The following TMEM184B variants were observed in gnomAD, a reference collection of about 807,000 sequenced individuals.
TMEM184B encodes transmembrane protein 184B, also known as putative MAPK-activating protein FM08.
Under a neutral mutation model 41.8 loss-of-function variants are expected in TMEM184B, and 17 were observed. The observed-to-expected ratio is 0.41, with a 90% CI of 0.28 to 0.61. TMEM184B has a LOEUF of 0.61. Ranked by LOEUF, TMEM184B falls within the 20% of genes least tolerant of loss-of-function variation. TMEM184B has a pLI of 0.34. For missense variants in TMEM184B, 393 were observed against 557.8 expected (o/e 0.70, Z 2.98); for synonymous variants, 240 against 229.5 (o/e 1.05, Z -0.41).
intron 3 of TMEM184B, among the ~76,000 whole-genome samples, chr22:38,236,910 C>G (rs563729491): frequency 2.6e-5 from 4 of 152,282 alleles, no homozygotes; most frequent in South Asian, 4.1e-4. Flanking sequence ...CTTCCAAACC[C>G]GAGGCTCCAG....
At chr22:38,237,445 G>A (rs900589822) in intron 3 of TMEM184B, among the ~76,000 whole-genome samples, 11 of 152,240 alleles carry the variant, frequency 7.2e-5, no homozygotes, top group Admixed American at 3.9e-4. Flanking sequence ...TGGGCACACT[G>A]GGCCATTCTA....
chr22:38,217,937 C>T (rs1161134576), downstream of TMEM184B, among the ~76,000 whole-genome samples: 1 of 152,042 alleles, frequency 6.6e-6, no homozygotes, highest in Admixed American at 6.6e-5. Context: ...GATTGCACCA[C>T]TGCACAATCT....
In TMEM184B at chr22:38,220,217, G is replaced by T. The variant is rs928963287; in HGVS notation, c.*1252C>A. 4.1e-6 allele frequency: 4 copies of T among 985,860 alleles called. No individual in the cohort carries two copies. The highest frequency in any genetic ancestry group is 3.6e-6 in the Non-Finnish European group (3 of 830,066). 61.1% of individuals were successfully genotyped at this position (985,860 alleles called of 1,614,324 possible). A position where few individuals can be genotyped will look rare whatever the true frequency, so the allele number is the denominator to read the frequency against. On this transcript the variant is annotated 3_prime_UTR_variant, in exon 9 of 9. Coordinates refer to ENST00000361906, the MANE Select transcript of TMEM184B (RefSeq NM_012264.5). ...GAGGCCCCAGGTCTAGAGGTGTGGA[G>T]GGGGAGAGGAGGGGCTTGGTGGTCC...
intron 5 of TMEM184B, among the ~76,000 whole-genome samples, chr22:38,228,392 G>A (rs57052050): frequency 0.027 from 3,929 of 143,996 alleles, 190 homozygotes; most frequent in African/African-American, 0.097. Context: ...GGAAACTGAG[G>A]CAGAGAGAAG....
At chr22:38,264,181 G>T (rs185934327) in intron 1 of TMEM184B, among the ~76,000 whole-genome samples, 2 of 152,308 alleles carry the variant, frequency 1.3e-5, no homozygotes, top group Admixed American at 1.3e-4. Context: ...TCTGGGTAGG[G>T]ACACGGTGCT....
At chr22:38,224,406 G>A (rs543752206) in intron 8 of TMEM184B, among the ~76,000 whole-genome samples, 1 of 152,354 alleles carries the variant, frequency 6.6e-6, no homozygotes, top group East Asian at 1.9e-4. Flanking sequence ...GAGCCACCGT[G>A]CCCGGCCAGA....
chr22:38,220,556 G>C lies in TMEM184B; in HGVS notation c.*913C>G. ...TCCCCCAGAAGCTGGTCTGAAACGTGGAGACTCAGACCTTTCCCCTGAAAC... is the reference window on the plus strand; with the variant it reads ...TCCCCCAGAAGCTGGTCTGAAACGTCGAGACTCAGACCTTTCCCCTGAAAC... On this transcript the variant is annotated 3_prime_UTR_variant, in exon 9 of 9. Coordinates refer to ENST00000361906, the MANE Select transcript of TMEM184B (RefSeq NM_012264.5). 1 of 985,948 alleles carries C rather than the reference G, an allele frequency of 1.0e-6. No homozygotes were observed. The highest frequency in any genetic ancestry group is 1.2e-6 in the Non-Finnish European group (1 of 830,020). The allele number at this position is 985,948 out of a possible 1,614,324, so 61.1% of individuals were successfully genotyped here.
chr22:38,217,573 C>G (rs1324988409), downstream of TMEM184B, among the ~76,000 whole-genome samples: 1 of 151,842 alleles, frequency 6.6e-6, no homozygotes, highest in African/African-American at 2.4e-5. Flanking sequence ...AGCCGGGAGG[C>G]GGAGCTTGCA....
At chr22:38,237,818 T>A (rs868037464) in intron 3 of TMEM184B, among the ~76,000 whole-genome samples, 5,541 of 150,824 alleles carry the variant, frequency 0.037, 327 homozygotes, top group African/African-American at 0.13. Flanking sequence ...TTTTTTTTTT[T>A]AGACGGAGTT....
intron 1 of TMEM184B, among the ~76,000 whole-genome samples, chr22:38,249,228 C>A (rs747248853): frequency 6.6e-6 from 1 of 152,210 alleles, no homozygotes; most frequent in Non-Finnish European, 1.5e-5. Flanking sequence ...CGGCTCCCTG[C>A]GGCTTCCGCC....
chr22:38,225,491 G>T lies in TMEM184B; in HGVS notation c.720C>A (p.Leu240=). 1 of 1,596,726 alleles carries T rather than the reference G, an allele frequency of 6.3e-7. No homozygotes were observed. The highest frequency in any genetic ancestry group is 8.5e-7 in the Non-Finnish European group (1 of 1,174,156). The change falls in exon 7 of 9, where the codon CTC becomes CTA. Residue 240 remains leucine, a synonymous_variant. Coordinates refer to ENST00000361906, the MANE Select transcript of TMEM184B (RefSeq NM_012264.5). This position sits in a 1 kb window ranked among gnomAD's most constrained non-coding sequence, Gnocchi z 4.4. The stretch of plus-strand genomic sequence containing the variant: ...ACTTGAGGACGGGGCTGTAGGGGCT[G>T]AGCAGCTCCCGGGTGGCGAAGTAGA... ...FLFYFATREL[L]SPYSPVLKFF...
chr22:38,257,116 G>A (rs949192630), intron 1 of TMEM184B, among the ~76,000 whole-genome samples: 1 of 150,814 alleles, frequency 6.6e-6, no homozygotes, highest in Admixed American at 6.6e-5. Flanking sequence ...CAAGTAGCTG[G>A]TATTACTGGC....
chr22:38,255,314 G>A (rs563613719), intron 1 of TMEM184B, among the ~76,000 whole-genome samples: 8 of 141,212 alleles, frequency 5.7e-5, no homozygotes, highest in Admixed American at 1.4e-4. Flanking sequence ...GTGAGCCACC[G>A]CACCCGGCCT....
Position 38,239,887 on chromosome 22 carries a change from T to C in TMEM184B, c.358+6048A>G, listed in dbSNP as rs1037590371. 1.3e-5 allele frequency among the ~76,000 whole-genome samples: 2 copies of C among 151,860 alleles called. No homozygotes were observed. Among genetic ancestry groups the C allele is most frequent in the African/African-American group, 4.8e-5 (2 of 41,330 alleles). ...TTTGGTACCTGCCCCCCATGCTGCA[T>C]ACAAACAGCCAAGGAAACACCCCAT... On this transcript the variant is annotated intron_variant, in intron 3 of 8. Transcript: ENST00000361906. This position sits in a 1 kb window ranked among gnomAD's most constrained non-coding sequence, Gnocchi z 4.6.
At chr22:38,241,306 G>C (rs940840144) in intron 3 of TMEM184B, among the ~76,000 whole-genome samples, 2 of 152,112 alleles carry the variant, frequency 1.3e-5, no homozygotes, top group African/African-American at 4.8e-5. Flanking sequence ...AAGTATTTAG[G>C]AATAAACTAG....
chr22:38,229,154 C>G, intron 5 of TMEM184B, among the ~76,000 whole-genome samples: 1 of 152,248 alleles, frequency 6.6e-6, no homozygotes, highest in East Asian at 1.9e-4. Context: ...CAGCAGGCCC[C>G]GCCCTCCAGG....
At chr22:38,243,704 C>A (rs983960167) in intron 3 of TMEM184B, among the ~76,000 whole-genome samples, 10 of 152,060 alleles carry the variant, frequency 6.6e-5, no homozygotes, top group African/African-American at 2.4e-4. Flanking sequence ...CGCCAGCCTG[C>A]GAGGAGGGAG....
chr22:38,267,599 A>T (rs868048782), intron 1 of TMEM184B, among the ~76,000 whole-genome samples: 1 of 151,808 alleles, frequency 6.6e-6, no homozygotes, highest in East Asian at 1.9e-4. Flanking sequence ...CACCTGGCTG[A>T]TTTTTGTATT....
At chr22:38,257,405 A>G in intron 1 of TMEM184B, among the ~76,000 whole-genome samples, 1 of 152,128 alleles carries the variant, frequency 6.6e-6, no homozygotes, top group East Asian at 1.9e-4. Context: ...AAAATGAGTA[A>G]CCCGATTTAG....
Sources: gnomAD v4.1 joint callset for allele counts (sites outside exome capture counted in the v4.1 genomes callset) on GRCh38, gnomAD v4.1.1 for gene constraint, Gnocchi (gnomAD v3.1) non-coding constraint, MANE v1.5 for transcripts, NCBI Gene and HGNC (gene_info 2026-07-23, HGNC 2026-07-21) for gene names.